The following AP3D1 variants were observed in gnomAD, a reference collection of about 807,000 sequenced individuals.
AP3D1 encodes the protein AP-3 complex subunit delta-1.
AP3D1 carries 51 observed loss-of-function variants against 147.6 expected under a neutral mutation model. That is an observed-to-expected ratio of 0.35 (90% CI 0.28 to 0.44). AP3D1 has a LOEUF of 0.44. Among genes scored for constraint, AP3D1 ranks in the 20% least tolerant of loss-of-function variants. The pLI, the probability that AP3D1 is intolerant of heterozygous loss-of-function variation, is 1.00. For missense variants in AP3D1, 1,421 were observed against 1,624.2 expected (o/e 0.87, Z 2.15); for synonymous variants, 760 against 663.0 (o/e 1.15, Z -2.25).
intron 9 of AP3D1, 103 bp from the exon 10 acceptor site, chr19:2,123,982 T>A: frequency 7.7e-7 from 1 of 1,292,218 alleles, no homozygotes. Flanking sequence ...GGAGGAGGGA[T>A]GGGAGGGAGG....
At chr19:2,164,389 CACT>C in exon 1 of AP3D1, 4 of 577,794 alleles carry the variant, frequency 6.9e-6, no homozygotes, top group Non-Finnish European at 9.9e-6. Context: ...CCCTGGACTC[CACT>C]GTCGCTGCTC....
chr19:2,164,341 C>G (rs891895394), intron 1 of AP3D1: 3 of 1,064,272 alleles, frequency 2.8e-6, no homozygotes, highest in South Asian at 4.7e-5. Flanking sequence ...CCAAACCCCC[C>G]CAAGCCGCGC....
chr19:2,123,016 A>G (rs1336184737), intron 11 of AP3D1, among the ~76,000 whole-genome samples: 1 of 152,242 alleles, frequency 6.6e-6, no homozygotes, highest in Non-Finnish European at 1.5e-5. Flanking sequence ...AAACATGCAG[A>G]GGCTGAAATA....
rs752522175 is a variant in AP3D1, at chr19:2,123,410, A to G, written c.907-4T>C. The G allele has an allele frequency of 1.9e-6, 3 of 1,613,824 alleles. No homozygotes were observed. Among genetic ancestry groups the G allele is most frequent in the Admixed American group, 1.7e-5 (1 of 59,980 alleles). On this transcript the variant is annotated splice_polypyrimidine_tract_variant and splice_region_variant and intron_variant, in intron 10 of 31. Coordinates refer to ENST00000643116, the MANE Select transcript of AP3D1 (RefSeq NM_001261826.3). ...TCCTTAATTTCTGAACACAAAGCTG[A>G]AAAGAAGAAAAAAACGATGCTGGTT...
rs1022618028 is a variant in AP3D1 at position 2,101,826 on chromosome 19, G to A, written c.*347C>T. The A allele has an allele frequency of 2.6e-5, 7 of 270,278 alleles. No individual in the cohort carries two copies. Among genetic ancestry groups the A allele is most frequent in the Admixed American group, 1.6e-4 (3 of 18,754 alleles). The allele number at this position is 270,278 out of a possible 1,614,324, so 16.7% of individuals were successfully genotyped here. A position where few individuals can be genotyped will look rare whatever the true frequency, so the allele number is the denominator to read the frequency against. On this transcript the variant is annotated 3_prime_UTR_variant, in exon 32 of 32. Transcript: ENST00000643116. ...CCTGTCCACCAAGTGCCCCTCACGT[G>A]GTGCCCATCAGGCCCTGGCCCAGGA...
chr19:2,106,110 G>T (rs1011299059), intron 31 of AP3D1, among the ~76,000 whole-genome samples: 4 of 152,154 alleles, frequency 2.6e-5, no homozygotes, highest in African/African-American at 9.7e-5. Flanking sequence ...AAGAATGGCT[G>T]CTGTCAGCAC....
intron 2 of AP3D1, 41 bp from the exon 3 acceptor site, chr19:2,137,848 G>C: frequency 6.3e-7 from 1 of 1,597,348 alleles, no homozygotes; most frequent in Non-Finnish European, 8.6e-7. Context: ...ACAAGCCAAA[G>C]CAGAGAGAAA....
In AP3D1 at chr19:2,114,805, T is replaced by C; in HGVS notation, c.2366A>G (p.Asp789Gly). 2 of 1,614,048 alleles carry C rather than the reference T, an allele frequency of 1.2e-6. No individual in the cohort carries two copies. The highest frequency in any genetic ancestry group is 1.7e-6 in the Non-Finnish European group (2 of 1,179,952). Residue 789 changes from aspartate (D) to glycine (G), a missense_variant, in exon 21 of 32, where the codon GAC becomes GGC. By Grantham distance (94) the Asp-to-Gly change is moderately conservative. Around this residue, in one of 6 missense-constraint regions of AP3D1, gnomAD observed 791 missense variants for 761.4 expected, o/e 1.04. Coordinates refer to ENST00000643116, the MANE Select transcript of AP3D1 (RefSeq NM_001261826.3). Reference protein sequence around the residue: ...EEMPENALPSDEDDKDPNDPY... With the variant: ...EEMPENALPSGEDDKDPNDPY... ...GTCGTTGGGGTCTTTGTCATCCTCG[T>C]CGCTGGGCAGAGCATTCTGACAGGA...
upstream of AP3D1, among the ~76,000 whole-genome samples, chr19:2,152,217 C>G (rs2019550666): frequency 6.6e-6 from 1 of 151,554 alleles, no homozygotes; most frequent in South Asian, 2.1e-4. Context: ...CCCTGCCTTC[C>G]GAGATACATC....
At chr19:2,121,118 C>A (rs773133508) in intron 13 of AP3D1, 26 bp from the exon 14 acceptor site, 3 of 1,613,476 alleles carry the variant, frequency 1.9e-6, no homozygotes, top group African/African-American at 1.3e-5. Flanking sequence ...GGTGAGTGAG[C>A]GGCGCCACGG....
chr19:2,146,177 C>G (rs1157569644), intron 1 of AP3D1, among the ~76,000 whole-genome samples: 1 of 152,212 alleles, frequency 6.6e-6, no homozygotes, highest in African/African-American at 2.4e-5. Context: ...AGCTCCCTCC[C>G]CACCATGACG....
chr19:2,110,096 G>A (rs766297772), intron 28 of AP3D1, 40 bp downstream of exon 28: 12 of 1,599,978 alleles, frequency 7.5e-6, no homozygotes, highest in Non-Finnish European at 9.4e-6. Flanking sequence ...GCCCCTGCCT[G>A]CAGAGTCGGC....
intron 2 of AP3D1, among the ~76,000 whole-genome samples, chr19:2,138,222 C>T (rs1599485298): frequency 2.6e-5 from 4 of 152,194 alleles, no homozygotes; most frequent in Admixed American, 6.5e-5. Flanking sequence ...CCCCAGCTCA[C>T]GCACTGACCT....
At chr19:2,132,821 G>A (rs952775754) in intron 4 of AP3D1, among the ~76,000 whole-genome samples, 4 of 152,212 alleles carry the variant, frequency 2.6e-5, no homozygotes, top group Admixed American at 6.5e-5. Context: ...CGGGATGGGC[G>A]CGGCTGGGAA....
At chr19:2,137,906 G>A in intron 2 of AP3D1, 99 bp from the exon 3 acceptor site, 1 of 1,002,222 alleles carries the variant, frequency 1.0e-6, no homozygotes, top group Non-Finnish European at 1.5e-6. Flanking sequence ...CACGGTGCTG[G>A]AACAGACTCA....
intron 1 of AP3D1, among the ~76,000 whole-genome samples, chr19:2,161,143 G>A (rs901492997): frequency 1.3e-5 from 2 of 151,302 alleles, no homozygotes; most frequent in African/African-American, 4.9e-5. Context: ...GGCCCATCAG[G>A]AGCTTCTCCT....
upstream of AP3D1, among the ~76,000 whole-genome samples, chr19:2,152,229 T>C (rs183626585): frequency 6.0e-4 from 89 of 148,190 alleles, no homozygotes; most frequent in African/African-American, 2.3e-3. Flanking sequence ...AGATACATCA[T>C]TGAGATTGTA....
rs571682128 is a variant in AP3D1 at position 2,104,822 on chromosome 19, A to G, written c.3553-2554T>C. On this transcript the variant is annotated intron_variant, in intron 31 of 31. Coordinates refer to ENST00000643116, the MANE Select transcript of AP3D1 (RefSeq NM_001261826.3). Reference sequence around the variant, plus strand: ...GCAGGGACTACAGGCTCACTGTACTAATTTCTTAGTACTGGCTAATTTTTT... The same window carrying G: ...GCAGGGACTACAGGCTCACTGTACTGATTTCTTAGTACTGGCTAATTTTTT... 5.9e-5 allele frequency among the ~76,000 whole-genome samples: 9 copies of G among 151,914 alleles called. No individual in the cohort carries two copies. In the East Asian group the frequency reaches 1.7e-3, roughly 29 times the overall value.
At chr19:2,113,803 A>G (rs894392031) in intron 22 of AP3D1, among the ~76,000 whole-genome samples, 2 of 152,226 alleles carry the variant, frequency 1.3e-5, no homozygotes, top group East Asian at 3.8e-4. Context: ...GCACACAGAC[A>G]CTGCAGAAAC....
Sources: allele counts gnomAD v4.1 joint callset (sites outside exome capture counted in the v4.1 genomes callset), GRCh38; gene constraint gnomAD v4.1.1; regional missense constraint gnomAD v4.1.1; transcripts MANE v1.5; gene names NCBI Gene and HGNC (gene_info 2026-07-23, HGNC 2026-07-21).